The following HS3ST5 variants were observed in gnomAD, a reference collection of about 807,000 sequenced individuals.
The protein encoded by HS3ST5 is heparan sulfate glucosamine 3-O-sulfotransferase 5.
Under a neutral mutation model 25.4 loss-of-function variants are expected in HS3ST5, and 10 were observed. That is an observed-to-expected ratio of 0.39 (90% CI 0.24 to 0.67). The LOEUF (loss-of-function observed/expected upper bound fraction) is 0.67, where lower values mean the gene tolerates loss of function less well. Among genes scored for constraint, HS3ST5 ranks in the 30% least tolerant of loss-of-function variants. The pLI is 0.44. For missense variants in HS3ST5, 324 were observed against 420.7 expected, an observed-to-expected ratio of 0.77 and a Z score of 2.01; for synonymous variants, 170 against 162.4, an observed-to-expected ratio of 1.05 and a Z score of -0.36.
At chr6:114,062,384 A>T (rs1344180803) in intron 4 of HS3ST5, among the ~76,000 whole-genome samples, 2 of 152,218 alleles carry the variant, frequency 1.3e-5, no homozygotes, top group Non-Finnish European at 2.9e-5. Flanking sequence ...CAAAAGAAAG[A>T]TACATAGATA....
At chr6:114,083,908 G>A (rs1286663014) in intron 3 of HS3ST5, among the ~76,000 whole-genome samples, 7 of 152,000 alleles carry the variant, frequency 4.6e-5, no homozygotes. Context: ...CTGCATTCTA[G>A]TTTGTTTCTT....
chr6:114,308,763 GGAGA>G (rs1775409482), intron 1 of HS3ST5, among the ~76,000 whole-genome samples: 1 of 152,128 alleles, frequency 6.6e-6, no homozygotes, highest in African/African-American at 2.4e-5. Flanking sequence ...GACCAGGTAA[GGAGA>G]AATGAGTGAA....
intron 3 of HS3ST5, among the ~76,000 whole-genome samples, chr6:114,094,799 C>T (rs1775332391): frequency 6.6e-6 from 1 of 152,048 alleles, no homozygotes; most frequent in African/African-American, 2.4e-5. Flanking sequence ...TGTGTCTAGC[C>T]CACATAGCAA....
intron 3 of HS3ST5, among the ~76,000 whole-genome samples, chr6:114,081,024 T>A (rs1454829609): frequency 6.6e-6 from 1 of 152,216 alleles, no homozygotes; most frequent in Admixed American, 6.5e-5. Context: ...GACTATTAAC[T>A]GGTCTGCTTG....
intron 2 of HS3ST5, among the ~76,000 whole-genome samples, chr6:114,227,289 T>TA (rs1771345492): frequency 8.0e-6 from 1 of 124,616 alleles, no homozygotes; most frequent in South Asian, 2.5e-4. Context: ...ACGTTATGGA[T>TA]AAAAAATTCT....
chr6:114,296,464 C>T (rs1371644849), intron 1 of HS3ST5, among the ~76,000 whole-genome samples: 1 of 152,130 alleles, frequency 6.6e-6, no homozygotes, highest in Non-Finnish European at 1.5e-5. Context: ...TCATCCATCT[C>T]CATAACCAAC....
At chr6:114,225,709 A>T (rs1020252285) in intron 2 of HS3ST5, among the ~76,000 whole-genome samples, 3 of 151,908 alleles carry the variant, frequency 2.0e-5, no homozygotes, top group Admixed American at 6.6e-5. Flanking sequence ...TGTGTTCCAT[A>T]TTCTAGCTAT....
At chr6:114,170,422 T>G (rs954821769) in intron 2 of HS3ST5, among the ~76,000 whole-genome samples, 9 of 152,168 alleles carry the variant, frequency 5.9e-5, no homozygotes, top group Non-Finnish European at 8.8e-5. Context: ...TGGAGTCTCC[T>G]CTATAAAAAG....
chr6:114,322,553 A>C lies in HS3ST5; in HGVS notation c.-339+19642T>G, dbSNP rs1010281174. On this transcript the variant is annotated intron_variant, in intron 1 of 4. Coordinates refer to ENST00000312719, the MANE Select transcript of HS3ST5 (RefSeq NM_153612.4). ...AAAAAAGGTAACAGTGAAGCCTATA[A>C]ATTCCCTGTTGATAATGACCAAAAT... Among the ~76,000 whole-genome samples the C allele has an allele frequency of 5.3e-5, 8 of 152,306 alleles. No individual in the cohort carries two copies. In the East Asian group the frequency reaches 1.2e-3, roughly 22 times the overall value.
intron 1 of HS3ST5, among the ~76,000 whole-genome samples, chr6:114,286,707 T>A (rs756217219): frequency 1.3e-5 from 2 of 152,026 alleles, no homozygotes; most frequent in Non-Finnish European, 2.9e-5. Flanking sequence ...CCCTCAAGCA[T>A]ACAATTTTGC....
intron 1 of HS3ST5, among the ~76,000 whole-genome samples, chr6:114,292,751 C>T (rs986798827): frequency 1.3e-5 from 2 of 152,110 alleles, no homozygotes; most frequent in Non-Finnish European, 1.5e-5. Flanking sequence ...CCGAAGATAC[C>T]TGAGGATGCT....
intron 1 of HS3ST5, among the ~76,000 whole-genome samples, chr6:114,285,034 A>G (rs1359764390): frequency 6.6e-6 from 1 of 152,058 alleles, no homozygotes; most frequent in Non-Finnish European, 1.5e-5. Flanking sequence ...TAGATTAGCT[A>G]GTAAATATCT....
chr6:114,174,672 A>T (rs1431372845), intron 2 of HS3ST5, among the ~76,000 whole-genome samples: 1 of 152,116 alleles, frequency 6.6e-6, no homozygotes, highest in Non-Finnish European at 1.5e-5. Context: ...TTTTGGTTTA[A>T]GACTTTTCTC....
intron 3 of HS3ST5, among the ~76,000 whole-genome samples, chr6:114,145,418 A>G (rs1347889146): frequency 2.0e-5 from 3 of 152,196 alleles, no homozygotes; most frequent in Non-Finnish European, 4.4e-5. Flanking sequence ...AGCCTGGCTT[A>G]TCTGAGCCCT....
chr6:114,070,279 G>GAA (rs542740095), intron 3 of HS3ST5, among the ~76,000 whole-genome samples: 8 of 113,854 alleles, frequency 7.0e-5, no homozygotes, highest in East Asian at 2.5e-4. Context: ...ATGGGGAGAT[G>GAA]AAAAAAAAAA....
chr6:114,138,038 T>TA (rs200110439), intron 3 of HS3ST5, among the ~76,000 whole-genome samples: 9 of 149,356 alleles, frequency 6.0e-5, no homozygotes, highest in East Asian at 2.0e-4. Flanking sequence ...TTTTATAGAT[T>TA]AAAAAAAAAA....
intron 3 of HS3ST5, among the ~76,000 whole-genome samples, chr6:114,093,637 C>A (rs1350685869): frequency 6.6e-6 from 1 of 151,978 alleles, no homozygotes; most frequent in African/African-American, 2.4e-5. Context: ...TCCTCTTACT[C>A]TTTACCTGGG....
At chr6:114,231,599 G>A (rs1771593419) in intron 1 of HS3ST5, among the ~76,000 whole-genome samples, 1 of 151,962 alleles carries the variant, frequency 6.6e-6, no homozygotes. Flanking sequence ...GAACGCTCTA[G>A]GTGGTTTGCT....
At chr6:114,068,895 G>T (rs1429545675) in intron 3 of HS3ST5, among the ~76,000 whole-genome samples, 1 of 152,024 alleles carries the variant, frequency 6.6e-6, no homozygotes, top group African/African-American at 2.4e-5. Flanking sequence ...TAACAGACAC[G>T]GTATCTTGGC....
Sources: gnomAD v4.1 joint callset for allele counts (sites outside exome capture counted in the v4.1 genomes callset) on GRCh38, gnomAD v4.1.1 for gene constraint, MANE v1.5 for transcripts, NCBI Gene and HGNC (gene_info 2026-07-23, HGNC 2026-07-21) for gene names.